The following LRRC36 variants were observed in gnomAD, a reference collection of about 807,000 sequenced individuals.
LRRC36 encodes the protein leucine rich repeat containing 36, also known as leucine-rich repeat-containing protein 36.
LRRC36 carries 62 observed loss-of-function variants against 81.1 expected under a neutral mutation model. The observed-to-expected ratio is 0.76, with a 90% CI of 0.62 to 0.94. The LOEUF (loss-of-function observed/expected upper bound fraction) is 0.94, where lower values mean the gene tolerates loss of function less well. Ranked by LOEUF, LRRC36 falls within the 40% of genes least tolerant of loss-of-function variation. The pLI, the probability that LRRC36 is intolerant of heterozygous loss-of-function variation, is 0.00. For missense variants in LRRC36, 761 were observed against 881.7 expected, an observed-to-expected ratio of 0.86 and a Z score of 1.73; for synonymous variants, 334 against 348.6, an observed-to-expected ratio of 0.96 and a Z score of 0.47.
intron 1 of LRRC36, among the ~76,000 whole-genome samples, chr16:67,328,585 G>A (rs927077169): frequency 1.3e-5 from 2 of 152,114 alleles, no homozygotes; most frequent in Non-Finnish European, 2.9e-5. Flanking sequence ...CCGTCTCATA[G>A]GCCTAGTTCC....
chr16:67,382,341 T>G (rs2040143648), intron 13 of LRRC36, 94 bp downstream of exon 13: 3 of 832,752 alleles, frequency 3.6e-6, no homozygotes, highest in African/African-American at 1.7e-5. Flanking sequence ...CTATGCACTT[T>G]GCAAGTGAAC....
At chr16:67,348,471 T>TC (rs1453514513) in intron 4 of LRRC36, 1 of 152,072 alleles carries the variant, frequency 6.6e-6, no homozygotes, top group Non-Finnish European at 1.5e-5. Context: ...TTTTTTTTTT[T>TC]CTTTTTGAGA....
intron 1 of LRRC36, among the ~76,000 whole-genome samples, chr16:67,333,066 T>G (rs1007599639): frequency 2.6e-5 from 4 of 152,046 alleles, no homozygotes; most frequent in Admixed American, 1.3e-4. Context: ...TAATTTTTTC[T>G]TTTTTTGTAG....
rs2038113284 is a variant in LRRC36, at chr16:67,342,075, T to G, written c.189T>G (p.Thr63=). 1.9e-6 allele frequency: 3 copies of G among 1,605,416 alleles called. No homozygotes were observed. In the South Asian group the frequency reaches 3.3e-5, roughly 18 times the overall value. Residue 63 remains threonine, a synonymous_variant, in exon 2 of 14, where the codon ACT becomes ACG. Coordinates refer to ENST00000329956, the MANE Select transcript of LRRC36 (RefSeq NM_018296.6). ...RSLDLSRNLI[T]SLKGIQYLCS... Reference sequence around the variant, plus strand: ...TAGATTTATCAAGGAATTTGATCACTAGCCTTAAGGTAAGTTATATATTCT... The same window carrying G: ...TAGATTTATCAAGGAATTTGATCACGAGCCTTAAGGTAAGTTATATATTCT...
chr16:67,373,246 T>A (rs1161200577), intron 9 of LRRC36, among the ~76,000 whole-genome samples: 1 of 152,228 alleles, frequency 6.6e-6, no homozygotes, highest in African/African-American at 2.4e-5. Flanking sequence ...TATGCTTTTC[T>A]AGACGATCTT....
At chr16:67,363,521 C>T (rs1202516994) in intron 5 of LRRC36, 69 bp from the exon 6 acceptor site, 10 of 1,531,598 alleles carry the variant, frequency 6.5e-6, no homozygotes, top group Middle Eastern at 1.9e-4. Flanking sequence ...TAGTATCTAT[C>T]CATTAGACAT....
chr16:67,349,256 AG>A (rs2038502053), intron 4 of LRRC36, among the ~76,000 whole-genome samples: 1 of 152,098 alleles, frequency 6.6e-6, no homozygotes, highest in Admixed American at 6.5e-5. Flanking sequence ...ATGTTACTCA[AG>A]TACCCTGTAT....
intron 12 of LRRC36, among the ~76,000 whole-genome samples, chr16:67,381,039 C>A (rs1024994922): frequency 2.0e-5 from 3 of 151,994 alleles, no homozygotes; most frequent in Non-Finnish European, 4.4e-5. Flanking sequence ...GCCTGGCAAA[C>A]ATGGTGAAAC....
At position 67,375,209 on chromosome 16, in the gene LRRC36, TTTTG is replaced by T. The variant is rs143776862; in HGVS notation, c.1495-26_1495-23del. The T allele has an allele frequency of 1.2e-3, 1,949 of 1,599,274 alleles. 20 individuals are homozygous for T. In the African/African-American group the frequency reaches 0.022, roughly 18 times the overall value. ...TGTAAGAATGACAAATGGTTGGGTTTTTTGTTTGTTTGTTTTTGCTTTTTTTTTT... is the reference window on the plus strand; with the variant it reads ...TGTAAGAATGACAAATGGTTGGGTTTTTTGTTTGTTTTTGCTTTTTTTTTT... On this transcript the variant is annotated intron_variant, in intron 9 of 13. Coordinates refer to ENST00000329956, the MANE Select transcript of LRRC36 (RefSeq NM_018296.6).
chr16:67,366,686 G>T (rs1343211345), intron 7 of LRRC36, among the ~76,000 whole-genome samples: 1 of 151,806 alleles, frequency 6.6e-6, no homozygotes, highest in African/African-American at 2.4e-5. Context: ...GGAAGCGAAG[G>T]TTGCACTGAG....
intron 11 of LRRC36, 121 bp downstream of exon 11, chr16:67,376,993 A>G (rs2039926206): frequency 9.0e-7 from 1 of 1,108,316 alleles, no homozygotes; most frequent in South Asian, 2.2e-5. Context: ...TGGGCACAGC[A>G]GGAATACAAA....
chr16:67,365,290 C>A lies in LRRC36; in HGVS notation c.703-14C>A. 2 of 1,609,244 alleles carry A rather than the reference C, an allele frequency of 1.2e-6. No homozygotes were observed. Among genetic ancestry groups the A allele is most frequent in the Non-Finnish European group, 1.7e-6 (2 of 1,176,406 alleles). ...ATGGACTTCCTTCTACCTAAACTTT[C>A]GAACTTTTTTTAGACACAGGAAGTA... On this transcript the variant is annotated splice_polypyrimidine_tract_variant and intron_variant, in intron 6 of 13. Transcript: ENST00000329956.
At chr16:67,379,118 A>C (rs947769299) in intron 12 of LRRC36, among the ~76,000 whole-genome samples, 3 of 152,164 alleles carry the variant, frequency 2.0e-5, no homozygotes, top group Admixed American at 6.5e-5. Flanking sequence ...CTATATTTTT[A>C]ACTCCAAATT....
At chr16:67,334,298 C>T (rs1170186759) in intron 1 of LRRC36, among the ~76,000 whole-genome samples, 1 of 151,590 alleles carries the variant, frequency 6.6e-6, no homozygotes, top group African/African-American at 2.4e-5. Context: ...GGATTACAGG[C>T]GTGAGCCACC....
rs2038348896 is a variant in LRRC36 at position 67,346,385 on chromosome 16, G to A, written c.328G>A (p.Val110Ile). ...KELDLRLNPV[V>I]RKDTDYRLFA... ...ACTGGATTTGAGACTTAATCCTGTTGTAAGGAAAGATACAGATTATAGGCT... is the reference window on the plus strand; with the variant it reads ...ACTGGATTTGAGACTTAATCCTGTTATAAGGAAAGATACAGATTATAGGCT... Residue 110 changes from valine (V) to isoleucine (I), a missense_variant, in exon 3 of 14, where the codon GTA (valine) becomes ATA (isoleucine). Around this residue, in one of 3 missense-constraint regions of LRRC36, gnomAD observed 263 missense variants for 279.3 expected, o/e 0.94. Coordinates refer to ENST00000329956, the MANE Select transcript of LRRC36 (RefSeq NM_018296.6). The A allele has an allele frequency of 6.2e-7, 1 of 1,613,246 alleles. No individual in the cohort carries two copies. The highest frequency in any genetic ancestry group is 8.5e-7 in the Non-Finnish European group (1 of 1,179,352).
chr16:67,347,339 G>C, intron 3 of LRRC36, 156 bp from the exon 4 acceptor site: 1 of 1,418,094 alleles, frequency 7.1e-7, no homozygotes, highest in Non-Finnish European at 9.4e-7. Context: ...GCCTGCTCCA[G>C]TGACAACATA....
chr16:67,330,660 A>G (rs1450352038), intron 1 of LRRC36, among the ~76,000 whole-genome samples: 1 of 152,078 alleles, frequency 6.6e-6, no homozygotes, highest in African/African-American at 2.4e-5. Flanking sequence ...TCAGGAGTTC[A>G]AGACCAGTCT....
chr16:67,375,412 G>T lies in LRRC36; in HGVS notation c.1660G>T (p.Gly554Cys). The T allele has an allele frequency of 6.3e-7, 1 of 1,576,018 alleles. No individual in the cohort carries two copies. ...GSLLLNKKFL[G>C]PARDLLLSLV... is the part of the protein sequence containing the mutation. ...CCTCCTCCTCAACAAGAAGTTTCTC[G>T]GTGAGTGAATGCATTCTCTGTCCTT... The change falls in exon 10 of 14, where the codon GGT becomes TGT. Residue 554 changes from glycine (G) to cysteine (C), a missense_variant and splice_region_variant. Around this residue, in one of 3 missense-constraint regions of LRRC36, gnomAD observed 359 missense variants for 388.4 expected, o/e 0.92. Transcript: ENST00000329956.
intron 2 of LRRC36, 26 bp downstream of exon 2, chr16:67,342,110 C>T: frequency 6.7e-7 from 1 of 1,483,408 alleles, no homozygotes; most frequent in Non-Finnish European, 9.1e-7. Context: ...TATGACCAGC[C>T]AGGTCTGCCC....
Sources: allele counts gnomAD v4.1 joint callset (sites outside exome capture counted in the v4.1 genomes callset), GRCh38; gene constraint gnomAD v4.1.1; regional missense constraint gnomAD v4.1.1; transcripts MANE v1.5; gene names NCBI Gene and HGNC (gene_info 2026-07-23, HGNC 2026-07-21).